Variants in RAB33A observed in about 807,000 individuals in gnomAD.
RAB33A encodes RAB33A, member RAS oncogene family.
Under a neutral mutation model 12.0 loss-of-function variants are expected in RAB33A, and 6 were observed. That is an observed-to-expected ratio of 0.50 (90% CI 0.27 to 0.99). The LOEUF is 0.99. Among genes scored for constraint, RAB33A ranks in the 50% least tolerant of loss-of-function variants. RAB33A has a pLI of 0.11. For synonymous variants in RAB33A, 70 were observed against 82.4 expected (o/e 0.85, Z 0.81); for missense variants, 109 against 192.0 (o/e 0.57, Z 2.55).
the RAB33A span, among the ~76,000 whole-genome samples, chrX:130,166,094 T>A: frequency 8.9e-6 from 1 of 111,939 alleles, no homozygotes; most frequent in Non-Finnish European, 1.9e-5. Flanking sequence ...TGACGAGAAC[T>A]GATAACAGCA....
chrX:130,117,850 C>T, the RAB33A span, among the ~76,000 whole-genome samples: 2 of 112,719 alleles, frequency 1.8e-5, no homozygotes, highest in Non-Finnish European at 3.8e-5. Context: ...TGTCCTGTGT[C>T]ATCTCTTTGA....
chrX:130,179,810 A>G (rs1451101483), intron 1 of RAB33A, among the ~76,000 whole-genome samples: 1 of 101,444 alleles, frequency 9.9e-6, no homozygotes, highest in African/African-American at 3.7e-5. Flanking sequence ...GCTGATAATG[A>G]TGATGATGAC....
the RAB33A span, among the ~76,000 whole-genome samples, chrX:130,144,532 C>CT: frequency 4.5e-5 from 5 of 111,264 alleles, no homozygotes; most frequent in Admixed American, 2.9e-4. Flanking sequence ...TTATGCTGTT[C>CT]TTTTTTACTT....
the RAB33A span, among the ~76,000 whole-genome samples, chrX:130,111,161 G>T: frequency 2.3e-4 from 25 of 109,062 alleles, no homozygotes; most frequent in Middle Eastern, 4.7e-3. Flanking sequence ...CGCGCCCGGG[G>T]GACCACGAGG....
At chrX:130,180,557 C>T (rs1452642091) in intron 1 of RAB33A, among the ~76,000 whole-genome samples, 3 of 111,111 alleles carry the variant, frequency 2.7e-5, no homozygotes, top group Non-Finnish European at 1.9e-5. Context: ...CGGGCTCATG[C>T]CATTCTCTGG....
upstream of RAB33A, among the ~76,000 whole-genome samples, chrX:130,168,162 G>A (rs949995642): frequency 6.4e-5 from 7 of 109,759 alleles, no homozygotes; most frequent in East Asian, 1.7e-3. Flanking sequence ...GGATGACAGA[G>A]CGAGACCCTA....
the RAB33A span, among the ~76,000 whole-genome samples, chrX:130,110,968 C>G: frequency 1.6e-5 from 1 of 60,614 alleles, no homozygotes; most frequent in African/African-American, 6.3e-5. Flanking sequence ...AGGGAAGAGC[C>G]GGAGGGAGGG....
the RAB33A span, among the ~76,000 whole-genome samples, chrX:130,115,466 A>C: frequency 9.0e-6 from 1 of 111,300 alleles, no homozygotes; most frequent in Non-Finnish European, 1.9e-5. Flanking sequence ...TACAAAAATT[A>C]GCTGGGCGTG....
At chrX:130,180,222 A>G (rs754096405) in intron 1 of RAB33A, among the ~76,000 whole-genome samples, 22 of 111,969 alleles carry the variant, frequency 2.0e-4, no homozygotes, top group African/African-American at 6.2e-4. Flanking sequence ...GTGATGCCAC[A>G]TACAGTAGAG....
chrX:130,183,343 G>A lies in RAB33A; in HGVS notation c.259-942G>A, dbSNP rs1363267113. Among the ~76,000 whole-genome samples the A allele has an allele frequency of 2.8e-5, 3 of 108,402 alleles. 1 individual carries two copies. Among genetic ancestry groups the A allele is most frequent in the Non-Finnish European group, 5.8e-5 (3 of 52,059 alleles). The allele number at this position is 108,402 out of a possible 115,157, so 94.1% of individuals were successfully genotyped here. A position where few individuals can be genotyped will look rare whatever the true frequency, so the allele number is the denominator to read the frequency against. On this transcript the variant is annotated intron_variant, in intron 1 of 1. Transcript: ENST00000257017. ...GGCTGAGGCAGGCGGATCACGAGGT[G>A]AGGAGATCGAGACCATCCTGGCTAA...
the RAB33A span, chrX:130,137,863 G>C: frequency 2.1e-6 from 1 of 469,122 alleles, no homozygotes; most frequent in East Asian, 1.1e-4. Flanking sequence ...GGGAGTTCAA[G>C]ACCAGCCTGA....
chrX:130,128,474 A>G, the RAB33A span, among the ~76,000 whole-genome samples: 9 of 111,712 alleles, frequency 8.1e-5, no homozygotes, highest in South Asian at 3.4e-3. Context: ...TGGGAGGCTG[A>G]GGCAGCAGAA....
rs1374470133 is a variant in RAB33A, at chrX:130,184,587, G to A, written c.561G>A (p.Glu187=). Residue 187 remains glutamate (E), a synonymous_variant, in exon 2 of 2, where the codon GAG becomes GAA. Transcript: ENST00000257017. ...LFETSAKDPK[E]SQNVESIFMC... ...AGACATCGGCCAAGGACCCCAAAGA[G>A]AGCCAGAACGTGGAGTCGATTTTCA... The A allele has an allele frequency of 1.7e-5, 21 of 1,209,826 alleles. No homozygotes were observed. The highest frequency in any genetic ancestry group is 2.1e-5 in the Non-Finnish European group (19 of 895,297).
Position 130,184,493 on chromosome X carries a change from G to A in RAB33A, c.467G>A (p.Arg156Lys), listed in dbSNP as rs1276048053. 5.8e-6 allele frequency: 7 copies of A among 1,211,903 alleles called. No individual in the cohort carries two copies. In the East Asian group the frequency reaches 2.1e-4, roughly 36 times the overall value. ...KVLVGNKCDL[R>K]EQIQVPSNLA... ...CTTGTGGGCAACAAGTGTGACTTGAGGGAACAGATCCAGGTGCCCTCCAAC... is the reference window on the plus strand; with the variant it reads ...CTTGTGGGCAACAAGTGTGACTTGAAGGAACAGATCCAGGTGCCCTCCAAC... The change falls in exon 2 of 2, where the codon AGG becomes AAG. Residue 156 changes from arginine to lysine, a missense_variant. Arg to Lys is a conservative substitution (Grantham distance 26). Coordinates refer to ENST00000257017, the MANE Select transcript of RAB33A (RefSeq NM_004794.3).
the RAB33A span, chrX:130,147,533 T>C: frequency 1.7e-6 from 2 of 1,212,120 alleles, no homozygotes; most frequent in Non-Finnish European, 2.2e-6. Context: ...CGCAGTGTCT[T>C]TGTGACATTT....
upstream of RAB33A, among the ~76,000 whole-genome samples, chrX:130,170,253 T>C (rs1359691784): frequency 2.7e-5 from 3 of 112,603 alleles, no homozygotes; most frequent in African/African-American, 9.7e-5. Context: ...CATTCCAATT[T>C]GCTTTCAGGT....
chrX:130,145,922 C>G, the RAB33A span, among the ~76,000 whole-genome samples: 3 of 111,701 alleles, frequency 2.7e-5, no homozygotes, highest in Non-Finnish European at 5.6e-5. Flanking sequence ...AAAGCGTTAT[C>G]CTGCTCCAAA....
At chrX:130,137,828 C>A in the RAB33A span, 2 of 798,352 alleles carry the variant, frequency 2.5e-6, no homozygotes, top group Non-Finnish European at 3.1e-6. Flanking sequence ...TTTGGGTGGC[C>A]GAGGTGGGTG....
the RAB33A span, among the ~76,000 whole-genome samples, chrX:130,157,945 C>T: frequency 1.2e-5 from 1 of 85,642 alleles, no homozygotes; most frequent in Non-Finnish European, 2.2e-5. Flanking sequence ...CAGAGTGAGA[C>T]TCCGTCTCAA....
Sources: gnomAD v4.1 joint callset for allele counts (sites outside exome capture counted in the v4.1 genomes callset) on GRCh38, gnomAD v4.1.1 for gene constraint, MANE v1.5 for transcripts, NCBI Gene and HGNC (gene_info 2026-07-23, HGNC 2026-07-21) for gene names.